SI: variants seen among roughly 807,000 people sequenced by gnomAD.
The protein encoded by SI is sucrase-isomaltase.
SI carries 235 observed loss-of-function variants against 253.3 expected under a neutral mutation model. The ratio of observed to expected loss-of-function variants is 0.93; its 90% CI spans 0.83 to 1.03. The LOEUF (loss-of-function observed/expected upper bound fraction) is 1.03, where lower values mean the gene tolerates loss of function less well. Ranked by LOEUF, SI falls within the 50% of genes least tolerant of loss-of-function variation. The pLI is 0.00. For synonymous variants in SI, 819 were observed against 712.0 expected (o/e 1.15, Z -2.39); for missense variants, 2,442 against 2,211.1 (o/e 1.10, Z -2.09).
intron 33 of SI, 25 bp downstream of exon 33, chr3:165,015,098 C>T (rs1168571403): frequency 3.3e-6 from 5 of 1,499,972 alleles, no homozygotes; most frequent in Non-Finnish European, 4.6e-6. Context: ...TGTATTTATT[C>T]TATTTCAAGA....
chr3:165,050,182 G>C (rs574246063), intron 13 of SI, among the ~76,000 whole-genome samples: 10 of 152,090 alleles, frequency 6.6e-5, no homozygotes, highest in African/African-American at 2.4e-4. Context: ...CTCATTATGA[G>C]TCCATTAATA....
At chr3:165,014,487 G>A (rs970491344) in intron 33 of SI, among the ~76,000 whole-genome samples, 5 of 152,134 alleles carry the variant, frequency 3.3e-5, no homozygotes, top group Non-Finnish European at 7.3e-5. Context: ...CTGATCTCAT[G>A]ATCCGCCCGC....
At chr3:165,042,541 C>T (rs13067553) in intron 17 of SI, among the ~76,000 whole-genome samples, 87,855 of 151,880 alleles carry the variant, frequency 0.58, 25,839 homozygotes, top group East Asian at 0.81. Context: ...CAGTCCAAAA[C>T]CGTGTTTTAA....
chr3:165,031,097 A>G (rs1445706561), intron 24 of SI, among the ~76,000 whole-genome samples: 3 of 149,536 alleles, frequency 2.0e-5, no homozygotes, highest in Non-Finnish European at 4.5e-5. Context: ...ATATATATAC[A>G]TATATGTACA....
Position 165,059,084 on chromosome 3 carries a change from T to C in SI, c.1279-2A>G. 1 of 1,611,748 alleles carries C rather than the reference T, an allele frequency of 6.2e-7. No homozygotes were observed. Among genetic ancestry groups the C allele is most frequent in the Non-Finnish European group, 8.5e-7 (1 of 1,179,022 alleles). On this transcript the variant is annotated splice_acceptor_variant, in intron 11 of 47. Coordinates refer to ENST00000264382, the MANE Select transcript of SI (RefSeq NM_001041.4). LOFTEE classifies it high-confidence loss of function. ...TCGACCTATGGAAATTGCAGGGTCC[T>C]AATAATAGAAAGCAGAAACTGCAAA...
At chr3:165,034,699 T>C (rs112754385) in intron 22 of SI, among the ~76,000 whole-genome samples, 22 of 152,142 alleles carry the variant, frequency 1.4e-4, no homozygotes, top group Admixed American at 3.3e-4. Context: ...TGTGGGTGCG[T>C]GTATGTGTGT....
chr3:165,086,210 T>C, the SI span, among the ~76,000 whole-genome samples: 1 of 151,946 alleles, frequency 6.6e-6, no homozygotes, highest in Non-Finnish European at 1.5e-5. Flanking sequence ...GCTGAGATTG[T>C]GCCACTGCAC....
At chr3:165,019,455 T>G (rs1719197620) in intron 28 of SI, 147 bp downstream of exon 28, 7 of 760,972 alleles carry the variant, frequency 9.2e-6, no homozygotes, top group Non-Finnish European at 1.3e-5. Flanking sequence ...GGTTTGTTTC[T>G]CAGAAAATTG....
At chr3:165,069,482 C>CTAAG (rs570545557) in intron 3 of SI, among the ~76,000 whole-genome samples, 120 of 152,036 alleles carry the variant, frequency 7.9e-4, no homozygotes, top group African/African-American at 2.8e-3. Flanking sequence ...AACCTGATCT[C>CTAAG]TAAGTAATTA....
At chr3:165,007,063 A>C in intron 36 of SI, 109 bp from the exon 37 acceptor site, 1 of 830,090 alleles carries the variant, frequency 1.2e-6, no homozygotes, top group Non-Finnish European at 1.9e-6. Context: ...AGTGTTTTAT[A>C]AAACCTATGT....
chr3:165,014,292 A>T (rs1408408975), intron 33 of SI, among the ~76,000 whole-genome samples: 2 of 151,926 alleles, frequency 1.3e-5, no homozygotes, highest in Non-Finnish European at 2.9e-5. Flanking sequence ...TCTGTCCCCC[A>T]GGCTGGAGTT....
the SI span, among the ~76,000 whole-genome samples, chr3:165,088,467 AC>A: frequency 6.6e-6 from 1 of 151,532 alleles, no homozygotes; most frequent in Non-Finnish European, 1.5e-5. Flanking sequence ...ATATGGTGAA[AC>A]CCCGTCTCTA....
chr3:165,011,581 G>T (rs1233571545), intron 34 of SI, among the ~76,000 whole-genome samples: 3 of 151,936 alleles, frequency 2.0e-5, no homozygotes, highest in Non-Finnish European at 4.4e-5. Context: ...ATATATGGCT[G>T]CTTTTGGGTA....
At chr3:165,022,200 C>T (rs558000228) in intron 26 of SI, among the ~76,000 whole-genome samples, 4 of 151,294 alleles carry the variant, frequency 2.6e-5, no homozygotes, top group Admixed American at 6.6e-5. Context: ...AGATGTTTAC[C>T]CATTTTTTTG....
In SI at chr3:164,987,138, C is replaced by A; in HGVS notation, c.5197G>T (p.Asp1733Tyr). Residue 1733 changes from aspartate to tyrosine, a missense_variant and splice_region_variant, in exon 45 of 48, where the codon GAC becomes TAC. Coordinates refer to ENST00000264382, the MANE Select transcript of SI (RefSeq NM_001041.4). ...TTTATCTACTAAATCGAGCACTCAC[C>A]TATACTCTCTCCATCATCCCAAAAC... Reference protein sequence around the residue: ...SLFWDDGESIDTYERDLYLSV... With the variant: ...SLFWDDGESIYTYERDLYLSV... The A allele has an allele frequency of 6.2e-7, 1 of 1,609,470 alleles. No homozygotes were observed. The highest frequency in any genetic ancestry group is 1.1e-5 in the South Asian group (1 of 90,964).
At chr3:165,046,780 T>C (rs1005604813) in intron 16 of SI, 61 bp downstream of exon 16, 2 of 1,320,054 alleles carry the variant, frequency 1.5e-6, no homozygotes, top group Non-Finnish European at 1.1e-6. Flanking sequence ...TTAATTAAGA[T>C]TACATTAAAA....
chr3:165,073,343 G>A (rs1034316731), intron 3 of SI, among the ~76,000 whole-genome samples: 2 of 151,934 alleles, frequency 1.3e-5, no homozygotes, highest in Non-Finnish European at 2.9e-5. Flanking sequence ...GTTAAGTAAA[G>A]AGAATATCTG....
Position 165,028,683 on chromosome 3 carries a change from T to TGAGGAAAGGACATCCTATTCAAC in SI, c.2892+2006_2892+2028dup, listed in dbSNP as rs544394115. On this transcript the variant is annotated intron_variant, in intron 25 of 47. Coordinates refer to ENST00000264382, the MANE Select transcript of SI (RefSeq NM_001041.4). Reference sequence around the variant, plus strand: ...CGATAAAGCAGACAAAAACATAAAGTGAGGAAAGGACATCCTATTCAACAA... The same window carrying TGAGGAAAGGACATCCTATTCAAC: ...CGATAAAGCAGACAAAAACATAAAGTGAGGAAAGGACATCCTATTCAACGAGGAAAGGACATCCTATTCAACAA... Among the ~76,000 whole-genome samples the TGAGGAAAGGACATCCTATTCAAC allele has an allele frequency of 5.6e-3, 844 of 151,276 alleles. 15 individuals are homozygous for TGAGGAAAGGACATCCTATTCAAC. In the East Asian group the frequency reaches 0.077, roughly 14 times the overall value.
chr3:165,019,759 C>T lies in SI; in HGVS notation c.3266G>A (p.Trp1089Ter), dbSNP rs774109373. The change falls in exon 28 of 48, where the codon TGG becomes TAG. Residue 1089 changes from tryptophan (W) to a stop codon, truncating the protein, a stop_gained. Coordinates refer to ENST00000264382, the MANE Select transcript of SI (RefSeq NM_001041.4). LOFTEE classifies it high-confidence loss of function. The stretch of plus-strand genomic sequence containing the variant: ...GTCATTAAAAGCAAATCCAGGCAGC[C>T]AAGAATCCCAACTGAAAACAAAAGA... ...RSSGRVIWDS[W>*]LPGFAFNDQF... The T allele has an allele frequency of 9.3e-6, 15 of 1,612,164 alleles. No individual in the cohort carries two copies. The highest frequency in any genetic ancestry group is 1.2e-5 in the Non-Finnish European group (14 of 1,178,792).
Sources: gnomAD v4.1 joint callset for allele counts (sites outside exome capture counted in the v4.1 genomes callset) on GRCh38, gnomAD v4.1.1 for gene constraint, MANE v1.5 for transcripts, NCBI Gene and HGNC (gene_info 2026-07-23, HGNC 2026-07-21) for gene names.